CDH13: variants seen among roughly 807,000 people sequenced by gnomAD.
CDH13 encodes the protein cadherin 13, also known as cadherin-13.
Under a neutral mutation model 63.8 loss-of-function variants are expected in CDH13, and 24 were observed. That is an observed-to-expected ratio of 0.38 (90% confidence interval 0.27 to 0.53). The LOEUF is 0.53. Ranked by LOEUF, CDH13 falls within the 20% of genes least tolerant of loss-of-function variation. CDH13 has a pLI of 0.85. For missense variants in CDH13, 1,049 were observed against 903.1 expected, an observed-to-expected ratio of 1.16 and a Z score of -2.07; for synonymous variants, 503 against 355.3, an observed-to-expected ratio of 1.42 and a Z score of -4.67.
chr16:82,785,690 C>T (rs1288889758), intron 1 of CDH13, among the ~76,000 whole-genome samples: 6 of 152,208 alleles, frequency 3.9e-5, no homozygotes, highest in Non-Finnish European at 7.3e-5. Context: ...AATTTCTTTC[C>T]TTTCTTTTAG....
At chr16:83,526,124 G>C (rs1227536377) in intron 7 of CDH13, among the ~76,000 whole-genome samples, 2 of 152,214 alleles carry the variant, frequency 1.3e-5, no homozygotes, top group Non-Finnish European at 2.9e-5. Flanking sequence ...ATTCAAGGCA[G>C]AACCAAAAAC....
chr16:83,451,673 A>T (rs1301057504), intron 6 of CDH13, among the ~76,000 whole-genome samples: 2 of 152,066 alleles, frequency 1.3e-5, no homozygotes, highest in Non-Finnish European at 2.9e-5. Flanking sequence ...ATGCACCACC[A>T]TGTGCAGCTA....
intron 3 of CDH13, among the ~76,000 whole-genome samples, chr16:83,081,765 C>T (rs1168863587): frequency 6.6e-6 from 1 of 151,966 alleles, no homozygotes; most frequent in Admixed American, 6.6e-5. Flanking sequence ...CTAATTCCAT[C>T]ATCGGGTTCC....
intron 2 of CDH13, among the ~76,000 whole-genome samples, chr16:82,864,116 G>C (rs1288922080): frequency 6.6e-6 from 1 of 152,132 alleles, no homozygotes; most frequent in Non-Finnish European, 1.5e-5. Context: ...CTTCGCTTTT[G>C]TGGAAACCAT....
chr16:82,633,191 C>T (rs944846246), intron 1 of CDH13, among the ~76,000 whole-genome samples: 3 of 152,224 alleles, frequency 2.0e-5, no homozygotes, highest in Non-Finnish European at 4.4e-5. Context: ...CTACCAAGAG[C>T]ATGGCTGTCC....
chr16:83,270,512 A>C, intron 5 of CDH13, among the ~76,000 whole-genome samples: 1 of 152,218 alleles, frequency 6.6e-6, no homozygotes, highest in East Asian at 1.9e-4. Context: ...GAGAGCATCA[A>C]TTATCAATGT....
At chr16:83,585,540 C>A (rs1011892774) in intron 7 of CDH13, among the ~76,000 whole-genome samples, 3 of 152,046 alleles carry the variant, frequency 2.0e-5, no homozygotes, top group African/African-American at 7.2e-5. Flanking sequence ...GTGACACATT[C>A]AGCTGGAAAT....
intron 5 of CDH13, among the ~76,000 whole-genome samples, chr16:83,251,773 C>T (rs1029489920): frequency 7.9e-5 from 12 of 152,146 alleles, no homozygotes; most frequent in African/African-American, 2.7e-4. Flanking sequence ...CAGGCAGGGG[C>T]TTTGTGCCAT....
intron 5 of CDH13, among the ~76,000 whole-genome samples, chr16:83,286,724 C>G (rs2089323983): frequency 1.3e-5 from 2 of 149,422 alleles, no homozygotes; most frequent in African/African-American, 2.5e-5. Flanking sequence ...CTACTGTATT[C>G]CAGCCTGGGC....
intron 6 of CDH13, among the ~76,000 whole-genome samples, chr16:83,362,820 C>G (rs538348622): frequency 6.6e-6 from 1 of 152,252 alleles, no homozygotes; most frequent in East Asian, 1.9e-4. Flanking sequence ...AGTCCTGCTC[C>G]CCAGCCAAGG....
At chr16:82,681,510 G>A (rs146657312) in intron 1 of CDH13, among the ~76,000 whole-genome samples, 35 of 152,310 alleles carry the variant, frequency 2.3e-4, no homozygotes, top group African/African-American at 7.9e-4. Context: ...AATTAAATAA[G>A]CAAATACATA....
intron 1 of CDH13, among the ~76,000 whole-genome samples, chr16:82,814,624 G>C (rs949353726): frequency 1.3e-5 from 2 of 152,112 alleles, no homozygotes; most frequent in Non-Finnish European, 2.9e-5. Context: ...TGCATCTCTT[G>C]GTGTGACTGT....
intron 7 of CDH13, among the ~76,000 whole-genome samples, chr16:83,501,246 A>G (rs1165482321): frequency 6.6e-6 from 1 of 152,258 alleles, no homozygotes; most frequent in Non-Finnish European, 1.5e-5. Context: ...AAGAACAGCT[A>G]TAGAAATGAC....
At chr16:83,298,379 T>C (rs911385028) in intron 5 of CDH13, among the ~76,000 whole-genome samples, 2 of 152,214 alleles carry the variant, frequency 1.3e-5, no homozygotes, top group African/African-American at 4.8e-5. Context: ...TAATAACTTT[T>C]GAAAGCAGTA....
intron 1 of CDH13, among the ~76,000 whole-genome samples, chr16:82,787,642 G>T (rs565600077): frequency 2.0e-5 from 3 of 152,342 alleles, no homozygotes; most frequent in Admixed American, 6.5e-5. Context: ...TAAATGGACA[G>T]GTGGGACCTA....
In CDH13 at chr16:83,309,191, C is replaced by T. The variant is rs569352555; in HGVS notation, c.637-35671C>T. 8.5e-4 allele frequency among the ~76,000 whole-genome samples: 130 copies of T among 152,288 alleles called. 1 individual carries two copies. The highest frequency in any genetic ancestry group is 3.1e-3 in the African/African-American group (128 of 41,558). On this transcript the variant is annotated intron_variant, in intron 5 of 13. Transcript: ENST00000567109. The stretch of plus-strand genomic sequence containing the variant: ...TGTCTGTTTTGTTTGCAGCGTTATA[C>T]CGAGTGCTTGCCTACCAGTGGGCTC...
chr16:83,247,509 TAACA>T (rs1307646049), intron 5 of CDH13, among the ~76,000 whole-genome samples: 3 of 152,166 alleles, frequency 2.0e-5, no homozygotes, highest in Non-Finnish European at 4.4e-5. Context: ...TTTTTTTAAT[TAACA>T]GTGTCTGTTA....
intron 8 of CDH13, chr16:83,655,313 A>G (rs756730027): frequency 2.6e-5 from 4 of 152,232 alleles, no homozygotes; most frequent in African/African-American, 7.2e-5. Flanking sequence ...AGAATCACCT[A>G]TGGAGTTAGC....
chr16:82,710,101 A>G (rs545747713), intron 1 of CDH13, among the ~76,000 whole-genome samples: 3 of 148,478 alleles, frequency 2.0e-5, no homozygotes, highest in African/African-American at 7.3e-5. Context: ...ATGTAAATAC[A>G]TTTAAATATA....
Sources: gnomAD v4.1 joint callset for allele counts (sites outside exome capture counted in the v4.1 genomes callset) on GRCh38, gnomAD v4.1.1 for gene constraint, MANE v1.5 for transcripts, NCBI Gene and HGNC (gene_info 2026-07-23, HGNC 2026-07-21) for gene names.